Variants in EML6 observed in about 807,000 individuals in gnomAD.
EML6 encodes the protein echinoderm microtubule-associated protein-like 6.
In EML6, 154 loss-of-function variants were observed where a neutral mutation model predicts 240.1. The observed-to-expected ratio is 0.64, with a 90% confidence interval of 0.56 to 0.73. The LOEUF (loss-of-function observed/expected upper bound fraction) is 0.73. Among genes scored for constraint, EML6 ranks in the 30% least tolerant of loss-of-function variants. The pLI is 0.00. For missense variants in EML6, 2,964 were observed against 2,474.6 expected, an observed-to-expected ratio of 1.20 and a Z score of -4.20; for synonymous variants, 1,148 against 899.0, an observed-to-expected ratio of 1.28 and a Z score of -4.95.
chr2:54,891,767 T>C (rs1224269529), intron 18 of EML6, among the ~76,000 whole-genome samples: 1 of 152,170 alleles, frequency 6.6e-6, no homozygotes, highest in Non-Finnish European at 1.5e-5. Context: ...TCCAGTGCAT[T>C]TTGCTTTTAA....
At chr2:54,960,167 A>C (rs1033541851) in intron 34 of EML6, 53 bp from the exon 35 acceptor site, 6 of 1,242,970 alleles carry the variant, frequency 4.8e-6, no homozygotes, top group Non-Finnish European at 5.8e-6. Flanking sequence ...CGGAGGGGGT[A>C]GTGGGTCTTA....
At chr2:54,966,050 T>A (rs1238121052) in intron 38 of EML6, among the ~76,000 whole-genome samples, 2 of 152,246 alleles carry the variant, frequency 1.3e-5, no homozygotes, top group Admixed American at 1.3e-4. Context: ...TCTTTCACTG[T>A]CTCAATCATA....
chr2:54,895,143 C>T (rs1031075037), intron 20 of EML6, 117 bp downstream of exon 20: 3 of 1,310,110 alleles, frequency 2.3e-6, no homozygotes, highest in African/African-American at 3.0e-5. Context: ...ATGTTTAGAA[C>T]TCTCTTCCTC....
In EML6 at chr2:54,964,597, C is replaced by A; in HGVS notation, c.5357C>A (p.Ala1786Asp). The change falls in exon 38 of 42, where the codon GCC becomes GAC. Residue 1786 changes from alanine (A) to aspartate (D), a missense_variant. Transcript: ENST00000356458. Reference sequence around the variant, plus strand: ...ATCAGCCCAGACAACCGATTCTTAGCCGTTGGTTCTTCTGAACACACAGTT... The same window carrying A: ...ATCAGCCCAGACAACCGATTCTTAGACGTTGGTTCTTCTGAACACACAGTT... ...IRISPDNRFLAVGSSEHTVDF... is the reference protein window; with the variant it reads ...IRISPDNRFLDVGSSEHTVDF... The A allele has an allele frequency of 6.4e-7, 1 of 1,552,398 alleles. No homozygotes were observed. Among genetic ancestry groups the A allele is most frequent in the Non-Finnish European group, 8.7e-7 (1 of 1,147,128 alleles).
At chr2:54,763,363 T>C (rs1258489936) in intron 2 of EML6, among the ~76,000 whole-genome samples, 1 of 152,212 alleles carries the variant, frequency 6.6e-6, no homozygotes, top group Non-Finnish European at 1.5e-5. Flanking sequence ...TACAGTTAGG[T>C]TTACATTCAG....
intron 26 of EML6, among the ~76,000 whole-genome samples, chr2:54,921,589 G>A (rs779781705): frequency 1.2e-4 from 19 of 152,008 alleles, no homozygotes; most frequent in Non-Finnish European, 2.5e-4. Context: ...ACCTTAAAAT[G>A]TGTATGTAAC....
At chr2:54,964,476 T>G in intron 37 of EML6, 95 bp from the exon 38 acceptor site, 1 of 1,210,880 alleles carries the variant, frequency 8.3e-7, no homozygotes, top group Non-Finnish European at 1.2e-6. Context: ...CTCATTGCCT[T>G]TAGGCCTGGA....
intron 17 of EML6, among the ~76,000 whole-genome samples, chr2:54,889,418 T>C (rs1420913914): frequency 6.6e-6 from 1 of 151,824 alleles, no homozygotes; most frequent in African/African-American, 2.4e-5. Flanking sequence ...TGAGTTTTCC[T>C]TTCCAAGAAC....
intron 26 of EML6, among the ~76,000 whole-genome samples, chr2:54,923,982 T>TAGA (rs1674406428): frequency 1.3e-5 from 2 of 152,344 alleles, no homozygotes; most frequent in South Asian, 4.1e-4. Context: ...CATAGCTGAG[T>TAGA]AGAATTCCAT....
At chr2:54,812,917 TA>T (rs1667920230) in intron 2 of EML6, among the ~76,000 whole-genome samples, 1 of 152,180 alleles carries the variant, frequency 6.6e-6, no homozygotes, top group Admixed American at 6.5e-5. Flanking sequence ...TATCAATAAT[TA>T]AATTTCACAA....
At chr2:54,899,452 C>G (rs1672943099) in intron 21 of EML6, among the ~76,000 whole-genome samples, 189 bp from the exon 22 acceptor site, 1 of 151,652 alleles carries the variant, frequency 6.6e-6, no homozygotes, top group African/African-American at 2.4e-5. Flanking sequence ...GTAGGTCTAG[C>G]TGTAGATTCA....
intron 12 of EML6, among the ~76,000 whole-genome samples, chr2:54,860,420 G>A (rs1328353749): frequency 1.3e-5 from 2 of 152,072 alleles, no homozygotes; most frequent in African/African-American, 2.4e-5. Flanking sequence ...ACCTAGAAGG[G>A]GTTTATGACA....
chr2:54,788,564 G>A (rs1304447119), intron 2 of EML6, among the ~76,000 whole-genome samples: 1 of 152,214 alleles, frequency 6.6e-6, no homozygotes, highest in East Asian at 1.9e-4. Flanking sequence ...ACTCTCCAGA[G>A]AGAGACCTCA....
chr2:54,968,717 G>A lies in EML6; in HGVS notation c.5801G>A (p.Arg1934His), dbSNP rs1676859495. The A allele has an allele frequency of 7.1e-6, 11 of 1,551,396 alleles. No homozygotes were observed. Among genetic ancestry groups the A allele is most frequent in the African/African-American group, 1.4e-5 (1 of 73,146 alleles). ...CACTCGGCTCACGTGACGAACATCC[G>A]TTTCTCTTATGATGACAAGTATGTG... ...FGHSAHVTNI[R>H]FSYDDKYVVS... Residue 1934 changes from arginine (R) to histidine (H), a missense_variant, in exon 41 of 42, where the codon CGT (arginine) becomes CAT (histidine). Coordinates refer to ENST00000356458, the MANE Select transcript of EML6 (RefSeq NM_001039753.4).
chr2:54,833,857 C>A (rs1282220676), intron 7 of EML6, among the ~76,000 whole-genome samples: 1 of 152,218 alleles, frequency 6.6e-6, no homozygotes, highest in Non-Finnish European at 1.5e-5. Flanking sequence ...CCAAAAGGTT[C>A]AGAATACCAG....
At chr2:54,810,772 G>A (rs1014813354) in intron 2 of EML6, among the ~76,000 whole-genome samples, 1 of 152,094 alleles carries the variant, frequency 6.6e-6, no homozygotes, top group African/African-American at 2.4e-5. Flanking sequence ...ACTGTTTAGA[G>A]TGATGGAAGA....
chr2:54,931,255 C>T (rs185663902), intron 28 of EML6, among the ~76,000 whole-genome samples: 27 of 151,542 alleles, frequency 1.8e-4, no homozygotes, highest in African/African-American at 5.1e-4. Flanking sequence ...CCGCGCCCGG[C>T]GACCGTAGGC....
chr2:54,928,215 A>G, intron 26 of EML6, 98 bp from the exon 27 acceptor site: 1 of 938,192 alleles, frequency 1.1e-6, no homozygotes, highest in Non-Finnish European at 1.7e-6. Flanking sequence ...TTGCTGTTGA[A>G]CTGTTTCCTT....
intron 2 of EML6, among the ~76,000 whole-genome samples, chr2:54,752,876 C>T (rs1684237639): frequency 6.6e-6 from 1 of 152,186 alleles, no homozygotes. Context: ...GCAACCTCTG[C>T]CTCCCAGGTT....
Sources: gnomAD v4.1 joint callset for allele counts (sites outside exome capture counted in the v4.1 genomes callset) on GRCh38, gnomAD v4.1.1 for gene constraint, MANE v1.5 for transcripts, NCBI Gene and HGNC (gene_info 2026-07-23, HGNC 2026-07-21) for gene names.